Variants in CDH11 observed in about 807,000 individuals in gnomAD.
CDH11 encodes cadherin 11, also known as cadherin-11.
CDH11 carries 11 observed loss-of-function variants against 67.8 expected under a neutral mutation model. That is an observed-to-expected ratio of 0.16 (90% confidence interval 0.10 to 0.27). The LOEUF (loss-of-function observed/expected upper bound fraction) is 0.27. Ranked by LOEUF, CDH11 falls within the 10% of genes least tolerant of loss-of-function variation. The pLI is 1.00. For missense variants in CDH11, 847 were observed against 1,031.2 expected, an observed-to-expected ratio of 0.82 and a Z score of 2.45; for synonymous variants, 419 against 400.0, an observed-to-expected ratio of 1.05 and a Z score of -0.57.
intron 11 of CDH11, among the ~76,000 whole-genome samples, chr16:64,955,938 T>C (rs892310505): frequency 6.6e-6 from 1 of 152,172 alleles, no homozygotes; most frequent in Non-Finnish European, 1.5e-5. Context: ...ATTGGACATA[T>C]GCATTACCAA....
chr16:65,098,127 T>C (rs561458323), intron 1 of CDH11, among the ~76,000 whole-genome samples: 3 of 152,132 alleles, frequency 2.0e-5, no homozygotes, highest in Admixed American at 6.5e-5. Flanking sequence ...GGCCATGAAA[T>C]TGGGTAGGGC....
intron 11 of CDH11, among the ~76,000 whole-genome samples, chr16:64,965,624 G>A (rs958430123): frequency 6.6e-6 from 1 of 152,090 alleles, no homozygotes; most frequent in Admixed American, 6.6e-5. Context: ...TTGATAAATA[G>A]AATGAGTACA....
Position 65,100,595 on chromosome 16 carries a change from G to A in CDH11, c.-298+21285C>T, listed in dbSNP as rs536384513. Among the ~76,000 whole-genome samples the A allele has an allele frequency of 3.9e-5, 6 of 151,990 alleles. No individual in the cohort carries two copies. In the South Asian group the frequency reaches 6.2e-4, roughly 16 times the overall value. On this transcript the variant is annotated intron_variant, in intron 1 of 12. Coordinates refer to ENST00000268603, the MANE Select transcript of CDH11 (RefSeq NM_001797.4). ...CTACTAAAAATCCAAAAAATTAGCCGGGCGTCGTGGCGGGCGCCTGTGATC... is the reference window on the plus strand; with the variant it reads ...CTACTAAAAATCCAAAAAATTAGCCAGGCGTCGTGGCGGGCGCCTGTGATC...
intron 8 of CDH11, among the ~76,000 whole-genome samples, chr16:64,974,814 AG>A: frequency 6.6e-6 from 1 of 152,362 alleles, no homozygotes; most frequent in East Asian, 1.9e-4. Flanking sequence ...ACATGTGGGA[AG>A]AAAGATCATT....
chr16:64,984,903 A>G (rs2072447132), intron 7 of CDH11: 1 of 152,274 alleles, frequency 6.6e-6, no homozygotes, highest in Admixed American at 6.5e-5. Flanking sequence ...AAGAATATAA[A>G]GAAAAATCAA....
chr16:64,998,870 A>C lies in CDH11; in HGVS notation c.229-14T>G. 1 of 1,609,682 alleles carries C rather than the reference A, an allele frequency of 6.2e-7. No individual in the cohort carries two copies. The highest frequency in any genetic ancestry group is 1.1e-5 in the South Asian group (1 of 90,954). On this transcript the variant is annotated splice_polypyrimidine_tract_variant and intron_variant, in intron 3 of 12. Transcript: ENST00000268603. ...ATCTGAATGAAGCTGGAAGAAAGAG[A>C]AATTGAGATTTTTAATTCCATGAGG...
At chr16:64,960,834 A>G (rs1597018377) in intron 11 of CDH11, among the ~76,000 whole-genome samples, 1 of 151,826 alleles carries the variant, frequency 6.6e-6, no homozygotes, top group African/African-American at 2.4e-5. Flanking sequence ...GAATTTAAAA[A>G]AGAGAGAGAG....
At chr16:65,013,387 T>G (rs1772482810) in intron 2 of CDH11, among the ~76,000 whole-genome samples, 1 of 151,760 alleles carries the variant, frequency 6.6e-6, no homozygotes, top group African/African-American at 2.4e-5. Flanking sequence ...GAAATGGAGG[T>G]AAGGAGTGTC....
intron 1 of CDH11, among the ~76,000 whole-genome samples, chr16:65,103,443 G>A (rs773382120): frequency 1.3e-5 from 2 of 152,208 alleles, no homozygotes; most frequent in East Asian, 1.9e-4. Flanking sequence ...ATGGAAAGAT[G>A]CCTACATGAG....
rs77029150 is a variant in CDH11 at position 64,944,391 on chromosome 16, A to C, written c.*3212T>G. On this transcript the variant is annotated 3_prime_UTR_variant, in exon 13 of 13. Coordinates refer to ENST00000268603, the MANE Select transcript of CDH11 (RefSeq NM_001797.4). The stretch of plus-strand genomic sequence containing the variant: ...CTGAATTATTTCAGGCCCTCATTCT[A>C]TCTCATATTGACCTTTGCAAAAGCC... The C allele has an allele frequency of 0.019, 4,314 of 232,484 alleles. 194 individuals are homozygous for C. The highest frequency in any genetic ancestry group is 0.089 in the African/African-American group (4,011 of 45,310). 14.4% of individuals were successfully genotyped at this position (232,484 alleles called of 1,614,324 possible).
At chr16:64,982,530 C>A (rs1191886290) in intron 7 of CDH11, 5 of 500,332 alleles carry the variant, frequency 1.0e-5, no homozygotes, top group African/African-American at 1.9e-5. Context: ...CACAGAAAGA[C>A]CACGTCATCT....
At chr16:64,984,020 C>T (rs577931004) in intron 7 of CDH11, among the ~76,000 whole-genome samples, 1 of 152,150 alleles carries the variant, frequency 6.6e-6, no homozygotes, top group Non-Finnish European at 1.5e-5. Context: ...GGATAATATC[C>T]TCATGCTGCA....
chr16:65,066,297 G>C (rs571892210), intron 1 of CDH11, among the ~76,000 whole-genome samples: 1 of 152,054 alleles, frequency 6.6e-6, no homozygotes, highest in Non-Finnish European at 1.5e-5. Context: ...CTACACACAC[G>C]CACAAAGCTT....
chr16:65,091,759 A>G (rs1052499596), intron 1 of CDH11, among the ~76,000 whole-genome samples: 2 of 151,938 alleles, frequency 1.3e-5, no homozygotes, highest in Non-Finnish European at 2.9e-5. Context: ...CACCGTGTTA[A>G]CCAGGATGGT....
At chr16:65,077,904 G>A (rs2142789227) in intron 1 of CDH11, among the ~76,000 whole-genome samples, 1 of 152,312 alleles carries the variant, frequency 6.6e-6, no homozygotes, top group East Asian at 1.9e-4. Flanking sequence ...AGCCAGAAAT[G>A]CATTTGTAGG....
chr16:64,984,392 A>T (rs2072432286), intron 7 of CDH11, among the ~76,000 whole-genome samples: 1 of 152,236 alleles, frequency 6.6e-6, no homozygotes, highest in Non-Finnish European at 1.5e-5. Flanking sequence ...GATGCTTAAC[A>T]TTTAGACATT....
chr16:65,115,181 G>T (rs1464533152), intron 1 of CDH11, among the ~76,000 whole-genome samples: 1 of 152,028 alleles, frequency 6.6e-6, no homozygotes, highest in Non-Finnish European at 1.5e-5. Context: ...TACGCAGAAC[G>T]AACAGAGGGA....
chr16:65,031,619 C>T (rs944607867), intron 2 of CDH11, among the ~76,000 whole-genome samples: 1 of 151,930 alleles, frequency 6.6e-6, no homozygotes, highest in Non-Finnish European at 1.5e-5. Context: ...GTTCAGGTAA[C>T]CACAGGATTT....
intron 8 of CDH11, among the ~76,000 whole-genome samples, chr16:64,974,120 A>C (rs970162274): frequency 4.6e-5 from 7 of 152,162 alleles, no homozygotes; most frequent in Non-Finnish European, 8.8e-5. Context: ...GAAGAATGGC[A>C]TTTACTGAGT....
Sources: allele counts gnomAD v4.1 joint callset (sites outside exome capture counted in the v4.1 genomes callset), GRCh38; gene constraint gnomAD v4.1.1; transcripts MANE v1.5; gene names NCBI Gene and HGNC (gene_info 2026-07-23, HGNC 2026-07-21).